The following TRAF3 variants were observed in gnomAD, a reference collection of about 807,000 sequenced individuals.
TRAF3 encodes the protein TNF receptor associated factor 3.
TRAF3 carries 13 observed loss-of-function variants against 62.3 expected under a neutral mutation model. That is an observed-to-expected ratio of 0.21 (90% CI 0.14 to 0.33). TRAF3 has a LOEUF of 0.33. Ranked by LOEUF, TRAF3 falls within the 10% of genes least tolerant of loss-of-function variation. The pLI, the probability that TRAF3 is intolerant of heterozygous loss-of-function variation, is 1.00. For missense variants in TRAF3, 440 were observed against 741.8 expected, an observed-to-expected ratio of 0.59 and a Z score of 4.73; for synonymous variants, 269 against 283.4, an observed-to-expected ratio of 0.95 and a Z score of 0.51.
chr14:102,842,217 CTGGCGACAGAGCA>C (rs1566768760), intron 2 of TRAF3, among the ~76,000 whole-genome samples: 2 of 151,128 alleles, frequency 1.3e-5, no homozygotes, highest in African/African-American at 4.9e-5. Flanking sequence ...GCACTCCAGC[CTGGCGACAGAGCA>C]AGACTCTGTC....
At chr14:102,881,309 G>A (rs1167826761) in intron 6 of TRAF3, among the ~76,000 whole-genome samples, 2 of 151,872 alleles carry the variant, frequency 1.3e-5, no homozygotes, top group East Asian at 1.9e-4. Flanking sequence ...ACTTGGACCC[G>A]GGAAGTGGAG....
chr14:102,838,904 A>T (rs565620307), intron 2 of TRAF3, among the ~76,000 whole-genome samples: 2 of 152,348 alleles, frequency 1.3e-5, no homozygotes, highest in South Asian at 4.1e-4. Context: ...CATAATCTTC[A>T]TTCCCCCACT....
chr14:102,781,776 G>A (rs1897282704), intron 1 of TRAF3, among the ~76,000 whole-genome samples: 1 of 149,284 alleles, frequency 6.7e-6, no homozygotes, highest in African/African-American at 2.5e-5. Context: ...ACAGGCGCCT[G>A]CCACCACGCT....
intron 1 of TRAF3, among the ~76,000 whole-genome samples, chr14:102,820,518 G>A (rs1192689610): frequency 6.8e-5 from 9 of 132,152 alleles, no homozygotes; most frequent in African/African-American, 2.5e-4. Context: ...GCATTTTGAT[G>A]TAGGTAGGTA....
intron 6 of TRAF3, among the ~76,000 whole-genome samples, chr14:102,879,598 T>C (rs1888926303): frequency 6.6e-6 from 1 of 151,884 alleles, no homozygotes; most frequent in East Asian, 1.9e-4. Flanking sequence ...GAGTTTCTTT[T>C]GCTTTTTTCT....
intron 1 of TRAF3, among the ~76,000 whole-genome samples, chr14:102,791,526 A>G (rs1029216634): frequency 9.2e-5 from 14 of 151,986 alleles, no homozygotes; most frequent in Non-Finnish European, 2.1e-4. Flanking sequence ...TGATTTTTGT[A>G]TGTTGGTCTT....
At chr14:102,802,665 A>C (rs1898513824) in intron 1 of TRAF3, among the ~76,000 whole-genome samples, 1 of 151,524 alleles carries the variant, frequency 6.6e-6, no homozygotes, top group Non-Finnish European at 1.5e-5. Flanking sequence ...CATCTCTACT[A>C]AAAATACAAA....
chr14:102,900,236 C>G (rs1890221681), intron 10 of TRAF3, among the ~76,000 whole-genome samples: 1 of 146,466 alleles, frequency 6.8e-6, no homozygotes, highest in Non-Finnish European at 1.5e-5. Flanking sequence ...GACACGGTGG[C>G]TCACACCCAT....
chr14:102,825,039 G>T (rs1466604746), intron 1 of TRAF3, among the ~76,000 whole-genome samples: 4 of 152,330 alleles, frequency 2.6e-5, no homozygotes, highest in Non-Finnish European at 5.9e-5. Context: ...TCCTTTCTTA[G>T]ACAAGGAATC....
chr14:102,888,499 C>T (rs757989751), intron 7 of TRAF3, among the ~76,000 whole-genome samples: 28 of 152,176 alleles, frequency 1.8e-4, no homozygotes, highest in Non-Finnish European at 3.1e-4. Flanking sequence ...GGAAGGACCG[C>T]CTTTGTCCTG....
intron 2 of TRAF3, among the ~76,000 whole-genome samples, chr14:102,857,703 C>T (rs576008173): frequency 6.6e-6 from 1 of 152,118 alleles, no homozygotes; most frequent in African/African-American, 2.4e-5. Context: ...GCCAGTTTTC[C>T]CAAGGAACTT....
intron 2 of TRAF3, among the ~76,000 whole-genome samples, chr14:102,847,752 T>A (rs1157599845): frequency 2.0e-5 from 3 of 152,236 alleles, no homozygotes; most frequent in Non-Finnish European, 4.4e-5. Context: ...AGTAATTAAA[T>A]TTTAAAACAT....
chr14:102,904,011 G>A (rs9671387), intron 11 of TRAF3: 3,674 of 357,732 alleles, frequency 0.01, 132 homozygotes, highest in African/African-American at 0.073. Flanking sequence ...GAGCAGCTTC[G>A]CCTCCAAGAG....
intron 6 of TRAF3, 47 bp from the exon 7 acceptor site, chr14:102,886,142 A>G (rs1334680720): frequency 6.2e-7 from 1 of 1,601,166 alleles, no homozygotes; most frequent in South Asian, 1.1e-5. Context: ...GGACTGAAGG[A>G]AGACAGGTTG....
At chr14:102,799,381 A>G (rs768963469) in intron 1 of TRAF3, among the ~76,000 whole-genome samples, 1 of 152,220 alleles carries the variant, frequency 6.6e-6, no homozygotes, top group African/African-American at 2.4e-5. Context: ...GATTCCATTC[A>G]GTTCATGAAT....
intron 1 of TRAF3, among the ~76,000 whole-genome samples, chr14:102,802,690 G>A (rs1226010969): frequency 1.3e-5 from 2 of 151,672 alleles, no homozygotes; most frequent in Non-Finnish European, 2.9e-5. Flanking sequence ...TTAGCCGGGT[G>A]TGTGGCGGGC....
chr14:102,802,236 C>G (rs1263353612), intron 1 of TRAF3, among the ~76,000 whole-genome samples: 1 of 141,404 alleles, frequency 7.1e-6, no homozygotes, highest in Non-Finnish European at 1.5e-5. Flanking sequence ...CTCACTGCAA[C>G]CTCCGCCTCC....
intron 1 of TRAF3, among the ~76,000 whole-genome samples, chr14:102,791,027 T>C (rs1897764088): frequency 6.6e-6 from 1 of 151,040 alleles, no homozygotes; most frequent in South Asian, 2.1e-4. Flanking sequence ...TTTCTTTTTT[T>C]TTTTTTTTTC....
At chr14:102,782,223 C>G (rs942973442) in intron 1 of TRAF3, among the ~76,000 whole-genome samples, 3 of 151,824 alleles carry the variant, frequency 2.0e-5, no homozygotes, top group African/African-American at 7.3e-5. Flanking sequence ...GTGTGTAGTC[C>G]CACCACACTC....
Sources: allele counts gnomAD v4.1 joint callset (sites outside exome capture counted in the v4.1 genomes callset), GRCh38; gene constraint gnomAD v4.1.1; transcripts MANE v1.5; gene names NCBI Gene and HGNC (gene_info 2026-07-23, HGNC 2026-07-21).